Variants in GK observed in about 807,000 individuals in gnomAD.
GK encodes the protein glycerol kinase.
Under a neutral mutation model 56.4 loss-of-function variants are expected in GK, and 9 were observed. The observed-to-expected ratio is 0.16, with a 90% confidence interval of 0.10 to 0.28. The LOEUF is 0.28. Ranked by LOEUF, GK falls within the 10% of genes least tolerant of loss-of-function variation. The pLI, the probability that GK is intolerant of heterozygous loss-of-function variation, is 1.00. For missense variants in GK, 161 were observed against 431.4 expected (o/e 0.37, Z 5.55); for synonymous variants, 104 against 144.1 (o/e 0.72, Z 1.99).
At chrX:30,658,863 C>G (rs1395746136) in intron 1 of GK, among the ~76,000 whole-genome samples, 2 of 112,301 alleles carry the variant, frequency 1.8e-5, no homozygotes, top group African/African-American at 6.5e-5. Flanking sequence ...GTTACATGAA[C>G]CAACATTAGC....
At chrX:30,659,966 C>A (rs1055583201) in intron 1 of GK, among the ~76,000 whole-genome samples, 3 of 111,752 alleles carry the variant, frequency 2.7e-5, no homozygotes, top group Non-Finnish European at 3.8e-5. Flanking sequence ...CCAGGCTGGT[C>A]TTGAACTCCT....
intron 3 of GK, among the ~76,000 whole-genome samples, chrX:30,669,566 T>C (rs927062108): frequency 1.8e-5 from 2 of 112,180 alleles, no homozygotes; most frequent in East Asian, 5.6e-4. Context: ...CCAAGATTGA[T>C]ATAATAGCAT....
intron 16 of GK, among the ~76,000 whole-genome samples, 154 bp from the exon 17 acceptor site, chrX:30,720,467 A>C (rs757167841): frequency 1.8e-5 from 2 of 112,299 alleles, no homozygotes; most frequent in Non-Finnish European, 3.8e-5. Flanking sequence ...GGCTGTGACC[A>C]GATCAAAGAG....
chrX:30,676,943 G>GCACA lies in GK; in HGVS notation c.260-415_260-412dup, dbSNP rs368680762. On this transcript the variant is annotated intron_variant, in intron 3 of 20. Transcript: ENST00000427190. ...TCTTAAAATGTAGGCATGTACATGT[G>GCACA]CACACACACACACACACACAAATGC... Among the ~76,000 whole-genome samples, 240 of 108,575 alleles carry GCACA rather than the reference G, an allele frequency of 2.2e-3. 1 individual carries two copies. Among genetic ancestry groups the GCACA allele is most frequent in the African/African-American group, 7.9e-3 (236 of 29,879 alleles). 94.3% of individuals were successfully genotyped at this position (108,575 alleles called of 115,157 possible). A position where few individuals can be genotyped will look rare whatever the true frequency, so the allele number is the denominator to read the frequency against.
intron 4 of GK, among the ~76,000 whole-genome samples, chrX:30,680,447 T>C (rs1934218275): frequency 9.0e-6 from 1 of 111,641 alleles, no homozygotes; most frequent in Non-Finnish European, 1.9e-5. Context: ...GGTGAGGATA[T>C]AGAGGGGGCT....
chrX:30,720,539 A>G (rs775742972), intron 16 of GK, 82 bp from the exon 17 acceptor site: 1 of 882,414 alleles, frequency 1.1e-6, no homozygotes, highest in Non-Finnish European at 1.7e-6. Flanking sequence ...AGCTCTTGAG[A>G]GTTTCTGAGT....
At chrX:30,681,278 T>C (rs2147174060) in intron 4 of GK, among the ~76,000 whole-genome samples, 1 of 112,170 alleles carries the variant, frequency 8.9e-6, no homozygotes, top group Non-Finnish European at 1.9e-5. Context: ...GGAAGTCCAG[T>C]TTAAATGGAC....
chrX:30,655,376 GCCTGCAGGGAC>G (rs1240256436), intron 1 of GK, among the ~76,000 whole-genome samples: 1 of 110,943 alleles, frequency 9.0e-6, no homozygotes, highest in Non-Finnish European at 1.9e-5. Context: ...CCACACAAAT[GCCTGCAGGGAC>G]CAGGCAGGTA....
At chrX:30,701,324 G>C (rs1040230377) in intron 11 of GK, among the ~76,000 whole-genome samples, 5 of 111,972 alleles carry the variant, frequency 4.5e-5, no homozygotes, top group African/African-American at 1.6e-4. Flanking sequence ...CAGGAGAATC[G>C]CTTGAACCCG....
At chrX:30,670,371 C>T (rs180796832) in intron 3 of GK, among the ~76,000 whole-genome samples, 36 of 111,490 alleles carry the variant, frequency 3.2e-4, no homozygotes, top group African/African-American at 9.8e-4. Flanking sequence ...CTTGTTTTTA[C>T]GGTTATGTGA....
At chrX:30,722,793 G>C (rs1936967333) in intron 18 of GK, among the ~76,000 whole-genome samples, 1 of 110,629 alleles carries the variant, frequency 9.0e-6, no homozygotes, top group South Asian at 3.8e-4. Flanking sequence ...AGAGAGGGGG[G>C]GATAGAAATG....
chrX:30,678,472 A>T (rs1264097612), intron 4 of GK, among the ~76,000 whole-genome samples: 1 of 111,796 alleles, frequency 8.9e-6, no homozygotes, highest in Admixed American at 9.6e-5. Flanking sequence ...AAGTTGTGGG[A>T]TGGGGAATGG....
intron 4 of GK, among the ~76,000 whole-genome samples, chrX:30,682,288 A>G (rs1187105623): frequency 8.9e-6 from 1 of 111,791 alleles, no homozygotes. Flanking sequence ...TTATGGATGA[A>G]CTCACTATAG....
intron 18 of GK, among the ~76,000 whole-genome samples, chrX:30,721,385 G>T (rs927756331): frequency 9.3e-6 from 1 of 107,260 alleles, no homozygotes; most frequent in Admixed American, 1.0e-4. Flanking sequence ...TCCGCCTCCC[G>T]GGTTCATGCC....
At chrX:30,721,293 A>T in intron 18 of GK, 1 of 245,761 alleles carries the variant, frequency 4.1e-6, no homozygotes, top group Non-Finnish European at 6.8e-6. Context: ...TAGTTAGAAT[A>T]GCCTTTTTTT....
At chrX:30,709,951 G>A (rs995548727) in intron 13 of GK, among the ~76,000 whole-genome samples, 11 of 110,665 alleles carry the variant, frequency 9.9e-5, no homozygotes, top group East Asian at 2.8e-4. Flanking sequence ...GTCTGAATTC[G>A]TTTTCACTCT....
chrX:30,720,865 GC>G lies in GK; in HGVS notation c.1374del (p.Glu459LysfsTer55). The G allele has an allele frequency of 8.3e-7, 1 of 1,211,867 alleles. No individual in the cohort carries two copies. ...CTCTCTCCTCAGTGAAGCCCTCAAT[GC>G]CCGAAACCACTGCACTGGGTGCGGC... is the stretch of plus-strand genomic sequence containing the variant. The part of the protein sequence containing the change: ...LYIPVVKPSM[P>X]ETTALGAAMA... On this transcript the variant is annotated frameshift_variant, in exon 18 of 21. Coordinates refer to ENST00000427190, the MANE Select transcript of GK (RefSeq NM_001205019.2). LOFTEE classifies it high-confidence loss of function.
chrX:30,697,667 C>T, intron 8 of GK, 65 bp from the exon 9 acceptor site: 1 of 787,120 alleles, frequency 1.3e-6, no homozygotes, highest in Non-Finnish European at 2.0e-6. Context: ...TGGAACTGGC[C>T]TAGTTTTCTC....
intron 11 of GK, among the ~76,000 whole-genome samples, chrX:30,704,517 A>G (rs947535387): frequency 3.7e-5 from 4 of 109,257 alleles, no homozygotes; most frequent in Non-Finnish European, 5.7e-5. Flanking sequence ...CTAAGAGGTC[A>G]TGGAGGCTGA....
Sources: allele counts gnomAD v4.1 joint callset (sites outside exome capture counted in the v4.1 genomes callset), GRCh38; gene constraint gnomAD v4.1.1; transcripts MANE v1.5; gene names NCBI Gene and HGNC (gene_info 2026-07-23, HGNC 2026-07-21).